The following SEC24D variants were observed in gnomAD, a reference collection of about 807,000 sequenced individuals.
SEC24D encodes the protein protein transport protein Sec24D.
A neutral mutation model predicts 116.9 loss-of-function variants in SEC24D; 69 were observed. That is an observed-to-expected ratio of 0.59 (90% CI 0.49 to 0.72). SEC24D has a LOEUF of 0.72. Among genes scored for constraint, SEC24D ranks in the 30% least tolerant of loss-of-function variants. The probability of loss-of-function intolerance (pLI) is 0.00; values close to 1 mark genes in which losing one functional copy is unlikely to be tolerated. For missense variants in SEC24D, 1,131 were observed against 1,264.1 expected (o/e 0.89, Z 1.60); for synonymous variants, 405 against 442.8 (o/e 0.91, Z 1.07).
At chr4:118,821,861 G>C (rs2110532250) in intron 3 of SEC24D, among the ~76,000 whole-genome samples, 1 of 152,320 alleles carries the variant, frequency 6.6e-6, no homozygotes, top group East Asian at 1.9e-4. Flanking sequence ...GGAAGGCTCA[G>C]CCTGAAATAC....
At chr4:118,762,549 GA>G (rs34517331) in intron 10 of SEC24D, among the ~76,000 whole-genome samples, 39,843 of 152,036 alleles carry the variant, frequency 0.26, 6,393 homozygotes, top group East Asian at 0.45. Flanking sequence ...GAGCCAAGAT[GA>G]ATAGGAAAAT....
chr4:118,727,104 C>G (rs67151421), intron 22 of SEC24D, among the ~76,000 whole-genome samples: 43,598 of 152,142 alleles, frequency 0.29, 7,160 homozygotes, highest in Non-Finnish European at 0.37. Context: ...TCCTTTGAGC[C>G]TCACTTTCAT....
At chr4:118,816,095 T>A (rs1166160736) in intron 4 of SEC24D, among the ~76,000 whole-genome samples, 1 of 146,322 alleles carries the variant, frequency 6.8e-6, no homozygotes, top group Non-Finnish European at 1.5e-5. Context: ...TTCATTTTTT[T>A]TTTTTTTTTT....
intron 10 of SEC24D, among the ~76,000 whole-genome samples, chr4:118,763,766 C>T (rs763208988): frequency 3.0e-4 from 45 of 152,132 alleles, no homozygotes; most frequent in Admixed American, 5.9e-4. Context: ...AACTACCTAT[C>T]CCATGGCAGA....
chr4:118,767,678 A>G lies in SEC24D; in HGVS notation c.1180+495T>C, dbSNP rs115108362. Among the ~76,000 whole-genome samples, 924 of 152,308 alleles carry G rather than the reference A, an allele frequency of 6.1e-3. 6 individuals carry two copies. Among genetic ancestry groups the G allele is most frequent in the Non-Finnish European group, 0.01 (691 of 68,024 alleles). ...GAATACGGGAAAGCCCTTTTTAATA[A>G]TGTTCCTTCCTCCTTAAACAATCCA... is the stretch of plus-strand genomic sequence containing the variant. On this transcript the variant is annotated intron_variant, in intron 9 of 22. Coordinates refer to ENST00000280551, the MANE Select transcript of SEC24D (RefSeq NM_014822.4).
intron 10 of SEC24D, among the ~76,000 whole-genome samples, chr4:118,760,110 C>T (rs1727297939): frequency 1.3e-5 from 2 of 152,176 alleles, no homozygotes; most frequent in African/African-American, 4.8e-5. Flanking sequence ...TCTTTTAGTT[C>T]CAGTAGCCAA....
In SEC24D at chr4:118,815,095, C is replaced by T. The variant is rs768509582; in HGVS notation, c.734G>A (p.Gly245Asp). Residue 245 changes from glycine (G) to aspartate (D), a missense_variant, in exon 6 of 23, where the codon GGT becomes GAT. Physicochemically the swap from Gly to Asp is moderately conservative, Grantham distance 94 (BLOSUM62 -1). Transcript: ENST00000280551. ...TGGCGGACCAGCCATCTGTGCAGGA[C>T]CTCCAGGGAAGCCTCCTGGGTAAGA... ...QLSYPGGFPG[G>D]PAQMAGPPQP... 36 of 1,614,022 alleles carry T rather than the reference C, an allele frequency of 2.2e-5. No homozygotes were observed. The highest frequency in any genetic ancestry group is 2.8e-5 in the Non-Finnish European group (33 of 1,180,004).
At chr4:118,824,523 G>T in intron 3 of SEC24D, 97 bp downstream of exon 3, 1 of 1,351,994 alleles carries the variant, frequency 7.4e-7, no homozygotes. Flanking sequence ...TCATCAAAAC[G>T]TCAAACTTTC....
rs1483580165 is a variant in SEC24D, at chr4:118,764,821, G to T, written c.1277C>A (p.Ala426Asp). 1 of 1,593,958 alleles carries T rather than the reference G, an allele frequency of 6.3e-7. No individual in the cohort carries two copies. The highest frequency in any genetic ancestry group is 8.6e-7 in the Non-Finnish European group (1 of 1,162,382). Residue 426 changes from alanine (A) to aspartate (D), a missense_variant, in exon 10 of 23, where the codon GCC becomes GAC. Coordinates refer to ENST00000280551, the MANE Select transcript of SEC24D (RefSeq NM_014822.4). ...ACTTACTCTGCAATAATCCAAAGTG[G>T]CAACATATTCATAAGATCCTAGAGA... ...ELSLGSYEYV[A>D]TLDYCRKSKP... is the part of the protein sequence containing the mutation.
In SEC24D at chr4:118,731,525, A is replaced by G; in HGVS notation, c.2677-18T>C. The G allele has an allele frequency of 6.2e-7, 1 of 1,608,896 alleles. No homozygotes were observed. The highest frequency in any genetic ancestry group is 1.1e-5 in the South Asian group (1 of 90,804). On this transcript the variant is annotated intron_variant, in intron 20 of 22. Coordinates refer to ENST00000280551, the MANE Select transcript of SEC24D (RefSeq NM_014822.4). ...AACGTGTGCTGGGCAGGCACAGACA[A>G]AAGAGTTAGAAACTCCTTTCTTCCC...
chr4:118,723,461 C>G lies in SEC24D; in HGVS notation c.*54G>C. 6.5e-7 allele frequency: 1 copy of G among 1,542,482 alleles called. No homozygotes were observed. The highest frequency in any genetic ancestry group is 8.8e-7 in the Non-Finnish European group (1 of 1,138,780). On this transcript the variant is annotated 3_prime_UTR_variant, in exon 23 of 23. Coordinates refer to ENST00000280551, the MANE Select transcript of SEC24D (RefSeq NM_014822.4). ...TATTATCATCTAGAAAATTAGGCAC[C>G]AAGAAGGAGATTATCTCCTTGGAAA...
intron 3 of SEC24D, 138 bp from the exon 4 acceptor site, chr4:118,817,550 TTTAA>T (rs1454279976): frequency 3.4e-6 from 2 of 591,960 alleles, no homozygotes; most frequent in African/African-American, 1.9e-5. Context: ...ATACTAAATC[TTTAA>T]TTAAGCTTGA....
At chr4:118,770,111 C>T (rs1727828237) in intron 8 of SEC24D, among the ~76,000 whole-genome samples, 1 of 152,114 alleles carries the variant, frequency 6.6e-6, no homozygotes, top group South Asian at 2.1e-4. Flanking sequence ...GATTCTGATA[C>T]ACTCTAATGG....
intron 7 of SEC24D, among the ~76,000 whole-genome samples, chr4:118,800,815 G>A (rs1729399654): frequency 6.6e-6 from 1 of 152,186 alleles, no homozygotes. Context: ...AAGTCAAAGA[G>A]TTAGTAAGTG....
intron 21 of SEC24D, chr4:118,731,001 C>T: frequency 3.1e-6 from 1 of 322,844 alleles, no homozygotes; most frequent in Admixed American, 4.4e-5. Flanking sequence ...ATATCCATCT[C>T]ACTGATTTGT....
chr4:118,779,120 C>T (rs1013256384), intron 8 of SEC24D, among the ~76,000 whole-genome samples: 1 of 152,168 alleles, frequency 6.6e-6, no homozygotes, highest in African/African-American at 2.4e-5. Flanking sequence ...ATTGCCCTGG[C>T]CAGAACTTCC....
At chr4:118,790,062 G>A (rs1728829917) in intron 8 of SEC24D, among the ~76,000 whole-genome samples, 1 of 152,146 alleles carries the variant, frequency 6.6e-6, no homozygotes, top group Non-Finnish European at 1.5e-5. Flanking sequence ...CTAGGCAAGA[G>A]TAACTGATCT....
At chr4:118,738,467 T>G (rs1726078071) in intron 18 of SEC24D, 88 bp from the exon 19 acceptor site, 1 of 914,618 alleles carries the variant, frequency 1.1e-6, no homozygotes, top group African/African-American at 1.7e-5. Context: ...CAAGTTGCTA[T>G]TATCTTCAGA....
chr4:118,762,349 GATGT>G (rs1409442084), intron 10 of SEC24D, among the ~76,000 whole-genome samples: 2 of 152,104 alleles, frequency 1.3e-5, no homozygotes, highest in Non-Finnish European at 2.9e-5. Flanking sequence ...TTACTTTCTG[GATGT>G]ATGGCCTGAA....
Sources: gnomAD v4.1 joint callset for allele counts (sites outside exome capture counted in the v4.1 genomes callset) on GRCh38, gnomAD v4.1.1 for gene constraint, MANE v1.5 for transcripts, NCBI Gene and HGNC (gene_info 2026-07-23, HGNC 2026-07-21) for gene names.